The following PLCE1 variants were observed in gnomAD, a reference collection of about 807,000 sequenced individuals.
PLCE1 encodes 1-phosphatidylinositol 4,5-bisphosphate phosphodiesterase epsilon-1.
PLCE1 carries 119 observed loss-of-function variants against 242.8 expected under a neutral mutation model. The ratio of observed to expected loss-of-function variants is 0.49; its 90% CI spans 0.42 to 0.57. The LOEUF is 0.57. PLCE1 is among the 20% of genes least tolerant of loss of function. The pLI, the probability that PLCE1 is intolerant of heterozygous loss-of-function variation, is 0.00. For missense variants in PLCE1, 2,441 were observed against 2,788.8 expected (o/e 0.88, Z 2.81); for synonymous variants, 945 against 1,017.4 (o/e 0.93, Z 1.35).
chr10:94,326,923 G>C (rs1248360954), intron 32 of PLCE1, among the ~76,000 whole-genome samples: 3 of 152,112 alleles, frequency 2.0e-5, no homozygotes, highest in Non-Finnish European at 4.4e-5. Flanking sequence ...CACTTTGGGA[G>C]GCCAAGGCGG....
intron 2 of PLCE1, among the ~76,000 whole-genome samples, chr10:94,034,857 A>T (rs2061633686): frequency 6.6e-6 from 1 of 152,118 alleles, no homozygotes. Context: ...TTTGATCAGG[A>T]CATTTCAGGA....
At chr10:94,202,970 A>G (rs568412433) in intron 4 of PLCE1, among the ~76,000 whole-genome samples, 14 of 152,338 alleles carry the variant, frequency 9.2e-5, no homozygotes, top group South Asian at 6.2e-4. Flanking sequence ...TCTGGCTTCA[A>G]TAGTCGCTCT....
At chr10:94,232,923 G>A (rs908666523) in intron 5 of PLCE1, among the ~76,000 whole-genome samples, 2 of 152,172 alleles carry the variant, frequency 1.3e-5, no homozygotes, top group Admixed American at 1.3e-4. Context: ...TCTACAGACT[G>A]CCCGGGACAC....
At chr10:94,140,138 C>T (rs1020130443) in intron 3 of PLCE1, among the ~76,000 whole-genome samples, 25 of 152,034 alleles carry the variant, frequency 1.6e-4, no homozygotes, top group African/African-American at 6.0e-4. Flanking sequence ...GTATGTGTGT[C>T]TGTAGACTAT....
At chr10:94,017,033 C>T (rs1214029263) in intron 1 of PLCE1, among the ~76,000 whole-genome samples, 2 of 152,180 alleles carry the variant, frequency 1.3e-5, no homozygotes, top group Non-Finnish European at 2.9e-5. Context: ...GAGGAGCCCA[C>T]ACCATTCAGG....
At chr10:94,255,493 C>G (rs1326701865) in intron 11 of PLCE1, among the ~76,000 whole-genome samples, 2 of 152,132 alleles carry the variant, frequency 1.3e-5, no homozygotes, top group Admixed American at 1.3e-4. Context: ...GCAGAAAGTT[C>G]TATTGGATAG....
At chr10:94,022,303 T>G (rs548523843) in intron 1 of PLCE1, among the ~76,000 whole-genome samples, 28 of 152,048 alleles carry the variant, frequency 1.8e-4, no homozygotes, top group African/African-American at 6.7e-4. Flanking sequence ...ACCACTAACA[T>G]AAAATATTTA....
chr10:94,210,182 G>GTTT (rs1240655453), intron 4 of PLCE1, among the ~76,000 whole-genome samples: 1 of 141,418 alleles, frequency 7.1e-6, no homozygotes, highest in Non-Finnish European at 1.6e-5. Flanking sequence ...TTTGAATGGT[G>GTTT]TTTTTTTTTT....
Position 94,039,059 on chromosome 10 carries a change from T to A in PLCE1, c.1206+6807T>A, listed in dbSNP as rs533185457. On this transcript the variant is annotated intron_variant, in intron 2 of 32. Coordinates refer to ENST00000371380, the MANE Select transcript of PLCE1 (RefSeq NM_016341.4). ...TTAAATATTCATTTATACGGTAGCA[T>A]GAATCAATATTCATACTTTTCACTG... Among the ~76,000 whole-genome samples the A allele has an allele frequency of 2.2e-4, 33 of 152,350 alleles. 1 individual carries two copies. In the South Asian group the frequency reaches 6.4e-3, roughly 30 times the overall value.
At chr10:94,070,220 A>C (rs2044312628) in intron 2 of PLCE1, among the ~76,000 whole-genome samples, 1 of 152,200 alleles carries the variant, frequency 6.6e-6, no homozygotes, top group South Asian at 2.1e-4. Context: ...TTAAACAGTT[A>C]AGATGCCTGG....
At chr10:94,210,597 C>T (rs1048425766) in intron 4 of PLCE1, among the ~76,000 whole-genome samples, 6 of 152,196 alleles carry the variant, frequency 3.9e-5, no homozygotes, top group Non-Finnish European at 7.3e-5. Context: ...AGCCTCCCCA[C>T]GTCCTAGGCT....
At chr10:94,158,862 T>C (rs913546932) in intron 3 of PLCE1, among the ~76,000 whole-genome samples, 93 of 145,122 alleles carry the variant, frequency 6.4e-4, no homozygotes, top group African/African-American at 2.1e-3. Flanking sequence ...TTCTTTTTTT[T>C]TTTTTTTTTT....
At chr10:94,270,461 T>C (rs1169796224) in intron 17 of PLCE1, 25 bp from the exon 18 acceptor site, 10 of 1,459,266 alleles carry the variant, frequency 6.9e-6, no homozygotes, top group African/African-American at 2.8e-5. Context: ...ATCTGGACTC[T>C]AATGAGCTGT....
At chr10:94,017,107 C>T (rs1210327856) in intron 1 of PLCE1, among the ~76,000 whole-genome samples, 10 of 152,242 alleles carry the variant, frequency 6.6e-5, no homozygotes, top group Admixed American at 6.5e-4. Context: ...AGCCCCACCC[C>T]CAACCCCCAT....
rs543962064 is a variant in PLCE1, at chr10:94,091,226, T to C, written c.1207-40948T>C. ...CTTCTTAATGTGATCTTGATGAAGG[T>C]TTTACTTGTTTGGTCTTTTTATTTC... On this transcript the variant is annotated intron_variant, in intron 2 of 32. Coordinates refer to ENST00000371380, the MANE Select transcript of PLCE1 (RefSeq NM_016341.4). Among the ~76,000 whole-genome samples the C allele has an allele frequency of 8.5e-5, 13 of 152,272 alleles. No homozygotes were observed. In the South Asian group the frequency reaches 2.7e-3, roughly 32 times the overall value.
chr10:94,243,510 A>G (rs745717299), intron 7 of PLCE1, among the ~76,000 whole-genome samples: 3 of 152,234 alleles, frequency 2.0e-5, no homozygotes, highest in African/African-American at 7.2e-5. Context: ...TATGACACAT[A>G]TACCAGACTA....
At chr10:94,230,633 T>C (rs950928672) in intron 5 of PLCE1, among the ~76,000 whole-genome samples, 2 of 149,582 alleles carry the variant, frequency 1.3e-5, no homozygotes, top group African/African-American at 4.9e-5. Context: ...TTTTAAGAGA[T>C]AAGATCTCAC....
At chr10:94,244,006 T>C (rs1414925950) in intron 7 of PLCE1, among the ~76,000 whole-genome samples, 1 of 152,230 alleles carries the variant, frequency 6.6e-6, no homozygotes, top group African/African-American at 2.4e-5. Flanking sequence ...AATCTATGCA[T>C]ACATTTTATT....
intron 1 of PLCE1, among the ~76,000 whole-genome samples, chr10:94,007,052 G>A (rs982417655): frequency 6.6e-6 from 1 of 152,154 alleles, no homozygotes; most frequent in Non-Finnish European, 1.5e-5. Context: ...TTGGGGGTGG[G>A]TGTGTTGATA....
Sources: gnomAD v4.1 joint callset for allele counts (sites outside exome capture counted in the v4.1 genomes callset) on GRCh38, gnomAD v4.1.1 for gene constraint, MANE v1.5 for transcripts, NCBI Gene and HGNC (gene_info 2026-07-23, HGNC 2026-07-21) for gene names.